Variants in STOX2 observed in about 807,000 individuals in gnomAD.
STOX2 encodes storkhead-box protein 2.
STOX2 carries 28 observed loss-of-function variants against 60.9 expected under a neutral mutation model. The ratio of observed to expected loss-of-function variants is 0.46; its 90% CI spans 0.34 to 0.63. The LOEUF is 0.63. STOX2 is among the 30% of genes least tolerant of loss of function. STOX2 has a pLI of 0.01. For missense variants in STOX2, 1,024 were observed against 1,187.7 expected (o/e 0.86, Z 2.03); for synonymous variants, 472 against 463.9 (o/e 1.02, Z -0.22).
At chr4:183,902,589 A>G (rs902954153), upstream of STOX2, among the ~76,000 whole-genome samples, 9 of 152,182 alleles carry the variant, frequency 5.9e-5, no homozygotes, top group African/African-American at 2.2e-4. Context: ...GCCCAGGGAC[A>G]TAGGGGTTGT....
At position 184,017,334 on chromosome 4, in the gene STOX2, C is replaced by G; in HGVS notation, c.*50C>G. ...GTCTCATTCGATACAGCAAAGTTTA[C>G]GACACTGGGACTGATGTTTACATCT... On this transcript the variant is annotated 3_prime_UTR_variant, in exon 4 of 4. Coordinates refer to ENST00000308497, the MANE Select transcript of STOX2 (RefSeq NM_020225.3). The G allele has an allele frequency of 1.4e-6, 2 of 1,463,262 alleles. No individual in the cohort carries two copies. The highest frequency in any genetic ancestry group is 1.8e-6 in the Non-Finnish European group (2 of 1,085,734). 90.6% of individuals were successfully genotyped at this position (1,463,262 alleles called of 1,614,324 possible).
rs1297227881 is a variant in STOX2 at position 183,906,900 on chromosome 4, A to G, written c.110A>G (p.His37Arg). 1 of 1,550,588 alleles carries G rather than the reference A, an allele frequency of 6.4e-7. No homozygotes were observed. The highest frequency in any genetic ancestry group is 1.2e-5 in the South Asian group (1 of 84,034). Residue 37 changes from histidine to arginine, a missense_variant, in exon 1 of 4, where the codon CAC becomes CGC. His to Arg is a conservative substitution (Grantham distance 29). This residue lies in a region of STOX2 where 98 missense variants were observed against 110.2 expected (regional missense o/e 0.89). Transcript: ENST00000308497. ...CGCAGCGAGAAGGACTACCGCCTGC[A>G]CAAGCGTTTCCCCGCGGCCTTCGCG... is the stretch of plus-strand genomic sequence containing the variant. ...RSRSEKDYRL[H>R]KRFPAAFAPQ...
At chr4:183,799,030 CTAAAAAACTG>C (rs1738700011) in intron 1 of STOX2, among the ~76,000 whole-genome samples, 1 of 152,198 alleles carries the variant, frequency 6.6e-6, no homozygotes, top group African/African-American at 2.4e-5. Context: ...AGTTCAAACG[CTAAAAAACTG>C]TAAAGCCGCC....
chr4:183,805,928 A>C (rs1187820776), intron 1 of STOX2, among the ~76,000 whole-genome samples: 2 of 152,248 alleles, frequency 1.3e-5, no homozygotes, highest in East Asian at 3.8e-4. Context: ...GCTGGACACT[A>C]CCAAGGGCCA....
rs1030292693 is a variant in STOX2, at chr4:183,916,306, C to T, written c.166+9350C>T. Among the ~76,000 whole-genome samples the T allele has an allele frequency of 2.0e-5, 3 of 152,284 alleles. No homozygotes were observed. In the East Asian group the frequency reaches 5.8e-4, roughly 29 times the overall value. ...CCCTCCCTGGAATCCTTGAGTTGCT[C>T]AGTGTATTTTACTCTATCCTTTTGC... On this transcript the variant is annotated intron_variant, in intron 1 of 3. Transcript: ENST00000308497.
intron 1 of STOX2, among the ~76,000 whole-genome samples, chr4:183,860,450 A>C (rs1436717081): frequency 2.0e-5 from 3 of 151,062 alleles, no homozygotes; most frequent in African/African-American, 7.3e-5. Context: ...AACAAAAAAA[A>C]AAAAAAAAGA....
At chr4:183,810,838 T>C (rs1739018756) in intron 1 of STOX2, among the ~76,000 whole-genome samples, 1 of 152,128 alleles carries the variant, frequency 6.6e-6, no homozygotes, top group African/African-American at 2.4e-5. Flanking sequence ...CCAGATATAC[T>C]TCTGTTGTTC....
chr4:183,814,349 A>G (rs1739102861), intron 1 of STOX2, among the ~76,000 whole-genome samples: 1 of 152,228 alleles, frequency 6.6e-6, no homozygotes, highest in African/African-American at 2.4e-5. Flanking sequence ...AAGAATAACA[A>G]TAATTACTGT....
chr4:183,969,598 T>G (rs1743678725), intron 1 of STOX2, among the ~76,000 whole-genome samples: 1 of 151,934 alleles, frequency 6.6e-6, no homozygotes, highest in Non-Finnish European at 1.5e-5. Flanking sequence ...TCTATGAACT[T>G]TGAACTTACC....
Position 183,854,097 on chromosome 4 carries a change from G to A in STOX2, c.364+56042G>A, listed in dbSNP as rs138597375. Among the ~76,000 whole-genome samples the A allele has an allele frequency of 2.8e-3, 423 of 152,276 alleles. 3 individuals carry two copies. The highest frequency in any genetic ancestry group is 9.6e-3 in the African/African-American group (401 of 41,556). ...TTTCTCTGTAAATGTAGAATTATCT[G>A]TAAATTGCTCTCTGATTTCAGATTG... is the stretch of plus-strand genomic sequence containing the variant. On this transcript the variant is annotated intron_variant, in intron 1 of 2. Coordinates refer to the STOX2 transcript ENST00000513034.
intron 2 of STOX2, among the ~76,000 whole-genome samples, chr4:184,006,489 C>A (rs1733832002): frequency 6.6e-6 from 1 of 151,776 alleles, no homozygotes; most frequent in Non-Finnish European, 1.5e-5. Context: ...GCGGGAAGAT[C>A]ACTTGAGCCC....
At position 183,829,783 on chromosome 4, in the gene STOX2, A is replaced by G. The variant is rs555452908; in HGVS notation, c.364+31728A>G. Among the ~76,000 whole-genome samples, 8 of 152,302 alleles carry G rather than the reference A, an allele frequency of 5.3e-5. No individual in the cohort carries two copies. In the South Asian group the frequency reaches 1.7e-3, roughly 32 times the overall value. The stretch of plus-strand genomic sequence containing the variant: ...ATGCACCTAATGGATCCTGATTGTA[A>G]TGAACTTTATAATTAGATTTTCTGT... On this transcript the variant is annotated intron_variant, in intron 1 of 2. Coordinates refer to the STOX2 transcript ENST00000513034.
intron 1 of STOX2, among the ~76,000 whole-genome samples, chr4:184,000,628 C>A (rs1041492791): frequency 6.6e-6 from 1 of 152,162 alleles, no homozygotes; most frequent in Non-Finnish European, 1.5e-5. Flanking sequence ...AGGTCCCAGC[C>A]CCGCAGGGAC....
intron 1 of STOX2, among the ~76,000 whole-genome samples, chr4:183,984,702 A>G (rs975433072): frequency 4.6e-5 from 7 of 152,194 alleles, no homozygotes; most frequent in Non-Finnish European, 7.3e-5. Context: ...TGACGCTGCT[A>G]TTTAATCTGC....
At chr4:183,878,631 A>C (rs1250168226) in intron 1 of STOX2, among the ~76,000 whole-genome samples, 1 of 152,236 alleles carries the variant, frequency 6.6e-6, no homozygotes, top group African/African-American at 2.4e-5. Context: ...CCTTTAATGA[A>C]AAAATTTTCT....
intron 1 of STOX2, among the ~76,000 whole-genome samples, chr4:183,917,391 G>A (rs571020438): frequency 8.5e-5 from 13 of 152,266 alleles, no homozygotes; most frequent in South Asian, 2.1e-4. Flanking sequence ...TAAGAATTCC[G>A]GCATGGATCT....
At chr4:183,968,693 A>G (rs1055117248) in intron 1 of STOX2, among the ~76,000 whole-genome samples, 1 of 151,990 alleles carries the variant, frequency 6.6e-6, no homozygotes, top group Non-Finnish European at 1.5e-5. Flanking sequence ...CCAAGTTATC[A>G]AAAGGATCTT....
chr4:183,931,426 A>G (rs7698154), intron 1 of STOX2, among the ~76,000 whole-genome samples: 1,716 of 152,108 alleles, frequency 0.011, 36 homozygotes, highest in African/African-American at 0.039. Flanking sequence ...TTCTTCCCCC[A>G]GCCTCCCCCC....
At chr4:183,910,798 T>C (rs761585003) in intron 1 of STOX2, among the ~76,000 whole-genome samples, 14 of 152,186 alleles carry the variant, frequency 9.2e-5, no homozygotes, top group Non-Finnish European at 1.5e-4. Context: ...TAAACTGACA[T>C]TGCAAGAAAT....
Sources: gnomAD v4.1 joint callset for allele counts (sites outside exome capture counted in the v4.1 genomes callset) on GRCh38, gnomAD v4.1.1 for gene constraint, gnomAD v4.1.1 regional missense constraint, MANE v1.5 for transcripts, NCBI Gene and HGNC (gene_info 2026-07-23, HGNC 2026-07-21) for gene names.